FBXW12: variants seen among roughly 807,000 people sequenced by gnomAD.
FBXW12 encodes F-box and WD repeat domain containing 12, also known as F-box/WD repeat-containing protein 12.
A neutral mutation model predicts 55.3 loss-of-function variants in FBXW12; 43 were observed. The ratio of observed to expected loss-of-function variants is 0.78; its 90% CI spans 0.61 to 1.00. The LOEUF is 1.00. FBXW12 is among the 50% of genes least tolerant of loss of function. The pLI, the probability that FBXW12 is intolerant of heterozygous loss-of-function variation, is 0.00. For synonymous variants in FBXW12, 184 were observed against 203.8 expected, an observed-to-expected ratio of 0.90 and a Z score of 0.83; for missense variants, 524 against 560.5, an observed-to-expected ratio of 0.93 and a Z score of 0.66.
At chr3:48,378,613 CTTTTTTTTT>C (rs749717436) in intron 6 of FBXW12, 87 bp downstream of exon 6, 1 of 508,262 alleles carries the variant, frequency 2.0e-6, no homozygotes, top group South Asian at 3.1e-5. Context: ...TGTCCTATCC[CTTTTTTTTT>C]TTTTTTTTTG....
Position 48,381,690 on chromosome 3 carries a change from A to G in FBXW12, c.986-10A>G, listed in dbSNP as rs1333818095. ...GTGTGTATATATATGTGCGTTTTAC[A>G]TGAAAACAGCATATGAGATCGCAAG... On this transcript the variant is annotated splice_polypyrimidine_tract_variant and intron_variant, in intron 8 of 10. Transcript: ENST00000296438. 8 of 1,547,020 alleles carry G rather than the reference A, an allele frequency of 5.2e-6. No homozygotes were observed. The highest frequency in any genetic ancestry group is 6.1e-6 in the Non-Finnish European group (7 of 1,145,876).
Position 48,372,759 on chromosome 3 carries a change from C to T in FBXW12, c.-9C>T, listed in dbSNP as rs767553956. On this transcript the variant is annotated 5_prime_UTR_variant, in exon 2 of 11. Coordinates refer to ENST00000296438, the MANE Select transcript of FBXW12 (RefSeq NM_207102.2). ...AAAGGAAAGTGGATGTGGGTTCAGG[C>T]CGCATGAAATGGAGATCCGATTGCC... The T allele has an allele frequency of 3.7e-6, 6 of 1,614,168 alleles. No homozygotes were observed. Among genetic ancestry groups the T allele is most frequent in the Non-Finnish European group, 5.1e-6 (6 of 1,180,006 alleles).
chr3:48,379,450 AG>A lies in FBXW12; in HGVS notation c.667del (p.Asp223MetfsTer44). The A allele has an allele frequency of 1.9e-6, 3 of 1,614,184 alleles. No individual in the cohort carries two copies. The highest frequency in any genetic ancestry group is 2.5e-6 in the Non-Finnish European group (3 of 1,180,002). Reference sequence around the variant, plus strand: ...ACACATTTACACTGCCTGGGTTAAGAGATGTTTCTAAAGTTACTGCATTTCA... The same window carrying A: ...ACACATTTACACTGCCTGGGTTAAGAATGTTTCTAAAGTTACTGCATTTCA... ...IYTFTLPGLR[D>X]VSKVTAFQYG... On this transcript the variant is annotated frameshift_variant, in exon 7 of 11. Transcript: ENST00000296438. LOFTEE classifies it high-confidence loss of function.
intron 6 of FBXW12, among the ~76,000 whole-genome samples, chr3:48,379,152 T>C (rs986495831): frequency 5.3e-5 from 8 of 152,176 alleles, no homozygotes; most frequent in Admixed American, 1.3e-4. Flanking sequence ...TGGGGTGACA[T>C]TGAGAAAAAG....
intron 1 of FBXW12, 169 bp from the exon 2 acceptor site, chr3:48,372,515 T>G: frequency 1.0e-6 from 1 of 983,940 alleles, no homozygotes; most frequent in Non-Finnish European, 1.5e-6. Context: ...GTTGCTGAGC[T>G]CCTCTAAACA....
At chr3:48,380,423 C>T (rs534460369) in intron 7 of FBXW12, among the ~76,000 whole-genome samples, 1 of 152,268 alleles carries the variant, frequency 6.6e-6, no homozygotes, top group Admixed American at 6.5e-5. Context: ...TCTGCTTAGC[C>T]AACCTCAACT....
At chr3:48,388,229 T>A (rs2036873819) in intron 10 of FBXW12, among the ~76,000 whole-genome samples, 1 of 152,244 alleles carries the variant, frequency 6.6e-6, no homozygotes, top group Admixed American at 6.5e-5. Flanking sequence ...CATGTGAGCT[T>A]GAAAAGAATG....
intron 10 of FBXW12, among the ~76,000 whole-genome samples, chr3:48,391,908 T>C (rs533243508): frequency 6.6e-6 from 1 of 152,342 alleles, no homozygotes; most frequent in South Asian, 2.1e-4. Context: ...CTTGAGGATT[T>C]TTGCGTCTAT....
chr3:48,374,462 G>A (rs1167541904), intron 4 of FBXW12, among the ~76,000 whole-genome samples: 2 of 151,896 alleles, frequency 1.3e-5, no homozygotes, highest in Non-Finnish European at 2.9e-5. Flanking sequence ...TGAGTAGCTG[G>A]GATTACAGGC....
chr3:48,385,334 T>A (rs1165345532), intron 10 of FBXW12, among the ~76,000 whole-genome samples: 1 of 133,006 alleles, frequency 7.5e-6, no homozygotes, highest in Non-Finnish European at 1.6e-5. Context: ...TAAATGGTAT[T>A]CCATTGTGTG....
At chr3:48,382,473 A>G (rs919747342) in intron 10 of FBXW12, among the ~76,000 whole-genome samples, 1 of 151,336 alleles carries the variant, frequency 6.6e-6, no homozygotes, top group African/African-American at 2.4e-5. Flanking sequence ...TTTTTTTTTA[A>G]GGTTCTCTGA....
intron 2 of FBXW12, 22 bp downstream of exon 2, chr3:48,372,879 C>A: frequency 6.2e-7 from 1 of 1,608,182 alleles, no homozygotes. Context: ...CCACCTCCCA[C>A]TGCCCCCCAA....
In FBXW12 at chr3:48,381,871, T is replaced by A; in HGVS notation, c.1157T>A (p.Phe386Tyr). 1 of 1,608,628 alleles carries A rather than the reference T, an allele frequency of 6.2e-7. No individual in the cohort carries two copies. Among genetic ancestry groups the A allele is most frequent in the Non-Finnish European group, 8.5e-7 (1 of 1,176,012 alleles). The stretch of plus-strand genomic sequence containing the variant: ...GACCATCAGGCAGCCATCAACAACT[T>A]CTGGGTGGTATGTATGATTCTCCTC... Reference protein sequence around the residue: ...FEDHQAAINNFWVDPCYVLTT... With the variant: ...FEDHQAAINNYWVDPCYVLTT... The change falls in exon 9 of 11, where the codon TTC (phenylalanine) becomes TAC (tyrosine). Residue 386 changes from phenylalanine to tyrosine, a missense_variant. Coordinates refer to ENST00000296438, the MANE Select transcript of FBXW12 (RefSeq NM_207102.2).
chr3:48,372,337 G>A lies in FBXW12; in HGVS notation c.-85+17G>A. On this transcript the variant is annotated intron_variant, in intron 1 of 10. Coordinates refer to ENST00000296438, the MANE Select transcript of FBXW12 (RefSeq NM_207102.2). ...GATCCCAAGGTAGGCACAGACACAG[G>A]GCAAGCAGACTCCAATTCCAGGAGT... is the stretch of plus-strand genomic sequence containing the variant. The A allele has an allele frequency of 6.4e-7, 1 of 1,552,120 alleles. No homozygotes were observed. Among genetic ancestry groups the A allele is most frequent in the Non-Finnish European group, 8.7e-7 (1 of 1,147,048 alleles).
At chr3:48,375,094 T>C (rs923824145) in intron 4 of FBXW12, among the ~76,000 whole-genome samples, 2 of 152,154 alleles carry the variant, frequency 1.3e-5, no homozygotes, top group African/African-American at 2.4e-5. Context: ...AGAAAAGTTC[T>C]CTGATGGAGA....
intron 10 of FBXW12, among the ~76,000 whole-genome samples, chr3:48,386,892 G>T (rs1308545293): frequency 1.3e-5 from 2 of 150,844 alleles, no homozygotes; most frequent in Non-Finnish European, 3.0e-5. Flanking sequence ...ATGATTGTTG[G>T]GTTCTGTGTT....
At chr3:48,394,506 G>T (rs2106663323) in intron 10 of FBXW12, 54 bp from the exon 11 acceptor site, 2 of 996,978 alleles carry the variant, frequency 2.0e-6, no homozygotes, top group East Asian at 2.4e-5. Flanking sequence ...TATTAACAAT[G>T]GATGTACCTA....
chr3:48,372,362 T>A (rs1157909368), intron 1 of FBXW12, 42 bp downstream of exon 1: 4 of 1,549,394 alleles, frequency 2.6e-6, no homozygotes, highest in Non-Finnish European at 2.6e-6. Flanking sequence ...ATTCCAGGAG[T>A]TTGGAACTTA....
At position 48,378,416 on chromosome 3, in the gene FBXW12, A is replaced by C. The variant is rs1229506858; in HGVS notation, c.505A>C (p.Thr169Pro). The C allele has an allele frequency of 1.1e-5, 18 of 1,613,974 alleles. No homozygotes were observed. Among genetic ancestry groups the C allele is most frequent in the Non-Finnish European group, 1.5e-5 (18 of 1,180,002 alleles). Residue 169 changes from threonine (T) to proline (P), a missense_variant, in exon 6 of 11, where the codon ACT becomes CCT. Coordinates refer to ENST00000296438, the MANE Select transcript of FBXW12 (RefSeq NM_207102.2). Reference protein sequence around the residue: ...HLAITMDRKKTIKVWNCQDRD... With the variant: ...HLAITMDRKKPIKVWNCQDRD... The stretch of plus-strand genomic sequence containing the variant: ...CGCCATCACTATGGATCGGAAAAAA[A>C]CTATCAAAGTGTGGAACTGTCAGGA...
Sources: gnomAD v4.1 joint callset for allele counts (sites outside exome capture counted in the v4.1 genomes callset) on GRCh38, gnomAD v4.1.1 for gene constraint, MANE v1.5 for transcripts, NCBI Gene and HGNC (gene_info 2026-07-23, HGNC 2026-07-21) for gene names.